The following MPPED2 variants were observed in gnomAD, a reference collection of about 807,000 sequenced individuals.
The protein encoded by MPPED2 is metallophosphoesterase MPPED2.
A neutral mutation model predicts 33.0 loss-of-function variants in MPPED2; 5 were observed. The ratio of observed to expected loss-of-function variants is 0.15; its 90% CI spans 0.08 to 0.32. The LOEUF (loss-of-function observed/expected upper bound fraction) is 0.32, where lower values mean the gene tolerates loss of function less well. Among genes scored for constraint, MPPED2 ranks in the 10% least tolerant of loss-of-function variants. MPPED2 has a pLI of 1.00. For synonymous variants in MPPED2, 136 were observed against 141.9 expected, an observed-to-expected ratio of 0.96 and a Z score of 0.29; for missense variants, 275 against 372.1, an observed-to-expected ratio of 0.74 and a Z score of 2.15.
chr11:30,451,823 T>C (rs984838198), intron 4 of MPPED2: 1 of 985,394 alleles, frequency 1.0e-6, no homozygotes, highest in Non-Finnish European at 1.2e-6. Context: ...TTTCACTGAC[T>C]GACAGGCTGC....
In MPPED2 at chr11:30,411,151, C is replaced by A; in HGVS notation, c.*317G>T. The stretch of plus-strand genomic sequence containing the variant: ...TATTTTTTTTTCTTTCAGCTTAAAG[C>A]ATATTAAAATAAGACTTTTATCACT... On this transcript the variant is annotated 3_prime_UTR_variant, in exon 7 of 7. Coordinates refer to ENST00000358117, the MANE Select transcript of MPPED2 (RefSeq NM_001584.3). 4.0e-6 allele frequency: 4 copies of A among 1,011,468 alleles called. No homozygotes were observed. The highest frequency in any genetic ancestry group is 4.7e-6 in the Non-Finnish European group (4 of 846,432). The allele number at this position is 1,011,468 out of a possible 1,614,324, so 62.7% of individuals were successfully genotyped here. A position where few individuals can be genotyped will look rare whatever the true frequency, so the allele number is the denominator to read the frequency against.
At chr11:30,406,789 G>T (rs1045352574), downstream of MPPED2, among the ~76,000 whole-genome samples, 5 of 152,146 alleles carry the variant, frequency 3.3e-5, no homozygotes, top group South Asian at 2.1e-4. Flanking sequence ...ACAAGCAATT[G>T]TTCCTACCCC....
At chr11:30,435,778 T>A (rs1453336924) in intron 4 of MPPED2, among the ~76,000 whole-genome samples, 1 of 152,100 alleles carries the variant, frequency 6.6e-6, no homozygotes, top group Non-Finnish European at 1.5e-5. Context: ...AACCCCAACC[T>A]CATGTCAATC....
intron 4 of MPPED2, among the ~76,000 whole-genome samples, chr11:30,425,004 C>T (rs2133810862): frequency 6.6e-6 from 1 of 152,326 alleles, no homozygotes; most frequent in South Asian, 2.1e-4. Flanking sequence ...TCTCTCTCAC[C>T]AGCTGTCTGA....
In MPPED2 at chr11:30,411,044, C is replaced by T. The variant is rs1447733605; in HGVS notation, c.*424G>A. 1 of 986,002 alleles carries T rather than the reference C, an allele frequency of 1.0e-6. No homozygotes were observed. The highest frequency in any genetic ancestry group is 1.2e-6 in the Non-Finnish European group (1 of 830,056). 61.1% of individuals were successfully genotyped at this position (986,002 alleles called of 1,614,324 possible). The stretch of plus-strand genomic sequence containing the variant: ...TACCAAGAAAACAACAACAACAAAA[C>T]ATTGAAAATTAAAATATTTCAAACA... On this transcript the variant is annotated 3_prime_UTR_variant, in exon 7 of 7. Coordinates refer to ENST00000358117, the MANE Select transcript of MPPED2 (RefSeq NM_001584.3).
chr11:30,396,068 G>C (rs530467487), intron 6 of MPPED2, among the ~76,000 whole-genome samples: 5 of 152,094 alleles, frequency 3.3e-5, no homozygotes, highest in African/African-American at 4.8e-5. Context: ...TTCCAGCAAG[G>C]CTCTGGATTT....
At position 30,417,634 on chromosome 11, in the gene MPPED2, C is replaced by CT; in HGVS notation, c.537-2dup. 1 of 1,589,312 alleles carries CT rather than the reference C, an allele frequency of 6.3e-7. No homozygotes were observed. The highest frequency in any genetic ancestry group is 8.6e-7 in the Non-Finnish European group (1 of 1,158,048). On this transcript the variant is annotated splice_acceptor_variant, in intron 4 of 6. Transcript: ENST00000358117. LOFTEE classifies it high-confidence loss of function. ...GCCCCATCCATTAAACCACGGGGTCCTTTGGGGGAGATAATGCACATGGTA... is the reference window on the plus strand; with the variant it reads ...GCCCCATCCATTAAACCACGGGGTCCTTTTGGGGGAGATAATGCACATGGTA...
At chr11:30,415,688 T>C (rs1403821946) in intron 5 of MPPED2, among the ~76,000 whole-genome samples, 1 of 152,196 alleles carries the variant, frequency 6.6e-6, no homozygotes, top group African/African-American at 2.4e-5. Flanking sequence ...TCTCATTTAC[T>C]CCACCTTTAC....
chr11:30,473,582 T>C (rs779228107), intron 4 of MPPED2, among the ~76,000 whole-genome samples: 2 of 152,156 alleles, frequency 1.3e-5, no homozygotes, highest in African/African-American at 4.8e-5. Flanking sequence ...CATGCCCATA[T>C]GTAATTGTTC....
At chr11:30,480,642 A>G (rs1951443361) in intron 4 of MPPED2, among the ~76,000 whole-genome samples, 1 of 152,082 alleles carries the variant, frequency 6.6e-6, no homozygotes, top group Non-Finnish European at 1.5e-5. Context: ...ACTTCAACAG[A>G]TTTTTTGGAG....
intron 4 of MPPED2, among the ~76,000 whole-genome samples, chr11:30,494,047 C>G (rs776782690): frequency 4.6e-5 from 7 of 152,216 alleles, no homozygotes; most frequent in Non-Finnish European, 1.0e-4. Context: ...AACTTTCAAA[C>G]CACCTGTGCA....
intron 4 of MPPED2, among the ~76,000 whole-genome samples, chr11:30,476,385 AT>A (rs1054148452): frequency 1.3e-4 from 20 of 152,092 alleles, no homozygotes; most frequent in African/African-American, 4.8e-4. Context: ...TATAGATTTC[AT>A]TTTTTAAAAA....
In MPPED2 at chr11:30,398,941, C is replaced by T. The variant is rs540313571; in HGVS notation, c.767-9985G>A. Among the ~76,000 whole-genome samples, 42 of 152,106 alleles carry T rather than the reference C, an allele frequency of 2.8e-4. No homozygotes were observed. In the East Asian group the frequency reaches 4.1e-3, roughly 15 times the overall value. Reference sequence around the variant, plus strand: ...TTTTATTTGAGAGGCATGGGACATACGTGATGAATGTGAGGACGATCATAC... The same window carrying T: ...TTTTATTTGAGAGGCATGGGACATATGTGATGAATGTGAGGACGATCATAC... On this transcript the variant is annotated intron_variant, in intron 6 of 6. Transcript: ENST00000448418.
chr11:30,549,707 A>G (rs905347796), intron 2 of MPPED2, among the ~76,000 whole-genome samples: 29 of 152,130 alleles, frequency 1.9e-4, no homozygotes, highest in African/African-American at 6.5e-4. Context: ...GTGCCCTACT[A>G]TTAGAGCTCA....
At chr11:30,511,190 G>A (rs1953163267) in intron 3 of MPPED2, among the ~76,000 whole-genome samples, 1 of 152,154 alleles carries the variant, frequency 6.6e-6, no homozygotes, top group Admixed American at 6.6e-5. Context: ...TAGGGCCCCA[G>A]AATGCCATGA....
intron 6 of MPPED2, chr11:30,388,964 GGA>G (rs1947735907): frequency 3.2e-6 from 5 of 1,555,974 alleles, no homozygotes; most frequent in African/African-American, 1.4e-5. Flanking sequence ...TTACTAAAGG[GGA>G]GAGAGAGAAA....
At chr11:30,515,900 G>C (rs1472580542) in intron 3 of MPPED2, among the ~76,000 whole-genome samples, 1 of 152,098 alleles carries the variant, frequency 6.6e-6, no homozygotes, top group African/African-American at 2.4e-5. Context: ...CCAAAGTCTG[G>C]ATTGACTCTA....
At chr11:30,435,120 T>G (rs1321853300) in intron 4 of MPPED2, among the ~76,000 whole-genome samples, 2 of 152,224 alleles carry the variant, frequency 1.3e-5, no homozygotes, top group Non-Finnish European at 2.9e-5. Context: ...TTTGTATGCT[T>G]TCTGAGTTAT....
At chr11:30,553,677 G>A (rs188175684) in intron 2 of MPPED2, among the ~76,000 whole-genome samples, 28 of 152,280 alleles carry the variant, frequency 1.8e-4, no homozygotes, top group South Asian at 4.1e-4. Context: ...ATGGCTTAAT[G>A]GAAAACAATG....
Sources: gnomAD v4.1 joint callset for allele counts (sites outside exome capture counted in the v4.1 genomes callset) on GRCh38, gnomAD v4.1.1 for gene constraint, MANE v1.5 for transcripts, NCBI Gene and HGNC (gene_info 2026-07-23, HGNC 2026-07-21) for gene names.